Variants in EDDM13 observed in about 807,000 individuals in gnomAD.
EDDM13 encodes epididymal protein 13.
Under a neutral mutation model 17.8 loss-of-function variants are expected in EDDM13, and 24 were observed. That is an observed-to-expected ratio of 1.35 (90% CI 0.98 to 1.90). The LOEUF (loss-of-function observed/expected upper bound fraction) is 1.90. Ranked by LOEUF, EDDM13 falls within the 40% of genes most tolerant of loss-of-function variation. The probability of loss-of-function intolerance (pLI) is 0.00; values close to 1 mark genes in which losing one functional copy is unlikely to be tolerated. For missense variants in EDDM13, 97 were observed against 100.8 expected, an observed-to-expected ratio of 0.96 and a Z score of 0.16; for synonymous variants, 31 against 37.5, an observed-to-expected ratio of 0.83 and a Z score of 0.63.
intron 6 of EDDM13, among the ~76,000 whole-genome samples, chr19:56,285,946 A>C (rs1568696594): frequency 6.6e-6 from 1 of 152,230 alleles, no homozygotes; most frequent in Non-Finnish European, 1.5e-5. Flanking sequence ...GATGTTTAAC[A>C]AATTTGCATC....
chr19:56,274,539 A>AGT, intron 1 of EDDM13: 2 of 152,234 alleles, frequency 1.3e-5, no homozygotes, highest in Admixed American at 1.3e-4. Flanking sequence ...AGACTTGAGG[A>AGT]AAAGTCACAA....
intron 13 of EDDM13, among the ~76,000 whole-genome samples, chr19:56,302,436 C>A (rs1401798271): frequency 7.3e-6 from 1 of 136,716 alleles, no homozygotes; most frequent in African/African-American, 3.2e-5. Flanking sequence ...TTCTCCCTTC[C>A]TTCCTTTCTT....
In EDDM13 at chr19:56,272,804, G is replaced by C; in HGVS notation, c.-31G>C. On this transcript the variant is annotated 5_prime_UTR_variant, in exon 1 of 15. Coordinates refer to ENST00000649256, the MANE Select transcript of EDDM13 (RefSeq NM_001354658.2). ...CAGAGAGTCCTGTCTATCCTAGGAGGAGAACATTCAGCCCAAATCCCAGCC... is the reference window on the plus strand; with the variant it reads ...CAGAGAGTCCTGTCTATCCTAGGAGCAGAACATTCAGCCCAAATCCCAGCC... 1 of 921,426 alleles carries C rather than the reference G, an allele frequency of 1.1e-6. No homozygotes were observed. The highest frequency in any genetic ancestry group is 1.3e-6 in the Non-Finnish European group (1 of 771,596). 57.1% of individuals were successfully genotyped at this position (921,426 alleles called of 1,614,324 possible).
intron 6 of EDDM13, among the ~76,000 whole-genome samples, chr19:56,285,602 AT>A (rs1260956544): frequency 6.6e-6 from 1 of 151,722 alleles, no homozygotes; most frequent in African/African-American, 2.4e-5. Flanking sequence ...TTCCTAACAT[AT>A]TTTGATTTGT....
chr19:56,277,664 T>A (rs998352439), intron 2 of EDDM13, among the ~76,000 whole-genome samples: 1 of 152,060 alleles, frequency 6.6e-6, no homozygotes, highest in African/African-American at 2.4e-5. Flanking sequence ...AATGGGTGAA[T>A]TGCATGGTAT....
intron 3 of EDDM13, 129 bp downstream of exon 3, chr19:56,281,827 C>A: frequency 2.7e-6 from 1 of 370,408 alleles, no homozygotes; most frequent in Non-Finnish European, 3.7e-6. Flanking sequence ...CAGATGTCCT[C>A]AATTCAAACA....
chr19:56,297,878 C>T (rs2147221978), intron 12 of EDDM13: 1 of 152,278 alleles, frequency 6.6e-6, no homozygotes, highest in South Asian at 2.1e-4. Flanking sequence ...AAAATAGCAG[C>T]AAGCCACCAA....
intron 13 of EDDM13, among the ~76,000 whole-genome samples, chr19:56,302,489 C>CTT (rs2040327549): frequency 7.3e-6 from 1 of 137,266 alleles, no homozygotes; most frequent in Non-Finnish European, 1.6e-5. Context: ...CCTTCCCATC[C>CTT]TTCTTCCCTC....
At chr19:56,298,748 C>T (rs1004199795) in intron 12 of EDDM13, among the ~76,000 whole-genome samples, 1 of 151,920 alleles carries the variant, frequency 6.6e-6, no homozygotes, top group Non-Finnish European at 1.5e-5. Flanking sequence ...CTTTCAGGAT[C>T]AAGTTAGCTT....
intron 12 of EDDM13, chr19:56,299,976 GT>G (rs2040124046): frequency 6.6e-6 from 1 of 152,094 alleles, no homozygotes; most frequent in Non-Finnish European, 1.5e-5. Flanking sequence ...CAAGAGAAAG[GT>G]AATAATAGGC....
chr19:56,277,458 C>T (rs76364615), intron 2 of EDDM13, among the ~76,000 whole-genome samples: 1,994 of 151,016 alleles, frequency 0.013, 40 homozygotes, highest in African/African-American at 0.046. Context: ...TACCTGATTC[C>T]GTTTACCGTA....
rs369353937 is a variant in EDDM13 at position 56,277,968 on chromosome 19, G to A, written c.103+1859G>A. Among the ~76,000 whole-genome samples the A allele has an allele frequency of 1.4e-3, 211 of 152,202 alleles. 4 individuals carry two copies. The South Asian group carries it at 0.03, about 22-fold the overall frequency. On this transcript the variant is annotated intron_variant, in intron 2 of 14. Transcript: ENST00000649256. ...ACTGACATAAATAAAATGTTTTAGT[G>A]AAATGGCTGTTTCCAAACCAAAAAA...
At chr19:56,283,914 A>C (rs2038906102) in intron 4 of EDDM13, 1 of 150,522 alleles carries the variant, frequency 6.6e-6, no homozygotes, top group Admixed American at 6.6e-5. Context: ...ACGGTTCATG[A>C]TTACTGTCCC....
chr19:56,304,226 T>A (rs986441111), intron 13 of EDDM13, among the ~76,000 whole-genome samples: 4 of 152,170 alleles, frequency 2.6e-5, no homozygotes, highest in African/African-American at 9.7e-5. Context: ...ATGAGAGCCG[T>A]GCAGCAGTTC....
chr19:56,286,644 C>T (rs549401947), intron 6 of EDDM13: 4 of 152,280 alleles, frequency 2.6e-5, no homozygotes, highest in African/African-American at 9.6e-5. Context: ...TCCCGCTGTT[C>T]GGTGGAAATA....
intron 8 of EDDM13, among the ~76,000 whole-genome samples, chr19:56,289,125 G>T (rs1476885240): frequency 1.3e-5 from 2 of 152,146 alleles, no homozygotes; most frequent in Admixed American, 6.5e-5. Flanking sequence ...AGGGAGCCCT[G>T]GTTTGTAGCG....
chr19:56,288,880 CAGA>C lies in EDDM13; in HGVS notation c.223_225del (p.Glu75del), dbSNP rs1163236920. Among the ~76,000 whole-genome samples the C allele has an allele frequency of 6.6e-5, 10 of 152,286 alleles. No homozygotes were observed. The East Asian group carries it at 1.9e-3, about 29-fold the overall frequency. On this transcript the variant is annotated inframe_deletion, in exon 8 of 15. Coordinates refer to ENST00000649256, the MANE Select transcript of EDDM13 (RefSeq NM_001354658.2). ...CCTACATTCTAGCCTCCAGATAGGA[CAGA>C]AGAAGAAAGTAAGTACTGTGACAGT...
intron 4 of EDDM13, chr19:56,282,881 C>T (rs755836587): frequency 6.6e-6 from 1 of 152,190 alleles, no homozygotes; most frequent in Non-Finnish European, 1.5e-5. Flanking sequence ...ATCATCGCTG[C>T]CTATTTAATA....
intron 9 of EDDM13, among the ~76,000 whole-genome samples, chr19:56,293,959 G>A (rs749255976): frequency 2.0e-5 from 3 of 152,186 alleles, no homozygotes; most frequent in Non-Finnish European, 4.4e-5. Context: ...GGTCTGTGAG[G>A]ACCACCTCAT....
Sources: gnomAD v4.1 joint callset for allele counts (sites outside exome capture counted in the v4.1 genomes callset) on GRCh38, gnomAD v4.1.1 for gene constraint, MANE v1.5 for transcripts, NCBI Gene and HGNC (gene_info 2026-07-23, HGNC 2026-07-21) for gene names.